Variants in KIF5C observed in about 807,000 individuals in gnomAD.
KIF5C encodes kinesin family member 5C.
A neutral mutation model predicts 125.2 loss-of-function variants in KIF5C; 18 were observed. The ratio of observed to expected loss-of-function variants is 0.14; its 90% confidence interval spans 0.10 to 0.21. KIF5C has a LOEUF of 0.21. Ranked by LOEUF, KIF5C falls within the 10% of genes least tolerant of loss-of-function variation. The pLI, the probability that KIF5C is intolerant of heterozygous loss-of-function variation, is 1.00. For synonymous variants in KIF5C, 405 were observed against 434.0 expected (o/e 0.93, Z 0.83); for missense variants, 780 against 1,183.8 (o/e 0.66, Z 5.01).
intron 16 of KIF5C, 60 bp from the exon 17 acceptor site, chr2:148,994,360 TC>T (rs1483737274): frequency 5.2e-6 from 8 of 1,529,804 alleles, no homozygotes; most frequent in Non-Finnish European, 7.1e-6. Context: ...ACCAGACAAT[TC>T]CAGGCCAGCC....
intron 11 of KIF5C, among the ~76,000 whole-genome samples, chr2:148,972,812 T>C (rs1381115536): frequency 6.6e-6 from 1 of 152,240 alleles, no homozygotes; most frequent in Non-Finnish European, 1.5e-5. Context: ...GGCTACCCTG[T>C]CTTCTGACCT....
chr2:148,888,296 C>A (rs1309137612), intron 1 of KIF5C: 4 of 152,250 alleles, frequency 2.6e-5, no homozygotes, highest in Non-Finnish European at 5.9e-5. Context: ...CCTTCTGTCA[C>A]CATTCTGTCG....
rs761031427 is a variant in KIF5C at position 148,941,939 on chromosome 2, C to G, written c.450C>G (p.Ser150=). ...CTGTCATTCTCATCTTTTTAGTATC[C>G]AAGACCAACTTGGCTGTTCATGAAG... ...LDKIRDLLDV[S]KTNLAVHEDK... is the part of the protein sequence containing the mutation. Residue 150 remains serine, a synonymous_variant, in exon 6 of 26, where the codon TCC becomes TCG. Coordinates refer to ENST00000435030, the MANE Select transcript of KIF5C (RefSeq NM_004522.3). 1 of 1,611,616 alleles carries G rather than the reference C, an allele frequency of 6.2e-7. No individual in the cohort carries two copies. Among genetic ancestry groups the G allele is most frequent in the South Asian group, 1.1e-5 (1 of 89,930 alleles).
chr2:148,969,045 A>G (rs1680823786), intron 11 of KIF5C, among the ~76,000 whole-genome samples: 1 of 152,220 alleles, frequency 6.6e-6, no homozygotes. Flanking sequence ...AGGCTTTAGG[A>G]ACTCAACTTA....
Position 148,875,575 on chromosome 2 carries a change from G to GCCCCCCCCCC in KIF5C, c.-37_-36insCCCCCCCCCC. ...TCCTCCCTCGTCGTTCCCGGCCCCG[G>GCCCCCCCCCC]CCCCCCACCCATCCCCGTGCCCCCT... On this transcript the variant is annotated 5_prime_UTR_variant, in exon 1 of 26. Coordinates refer to ENST00000435030, the MANE Select transcript of KIF5C (RefSeq NM_004522.3). 1 of 699,606 alleles carries GCCCCCCCCCC rather than the reference G, an allele frequency of 1.4e-6. No homozygotes were observed. The allele number at this position is 699,606 out of a possible 1,614,324, so 43.3% of individuals were successfully genotyped here. A position where few individuals can be genotyped will look rare whatever the true frequency, so the allele number is the denominator to read the frequency against.
intron 12 of KIF5C, among the ~76,000 whole-genome samples, chr2:148,973,906 T>C (rs1680989062): frequency 6.6e-6 from 1 of 152,212 alleles, no homozygotes; most frequent in African/African-American, 2.4e-5. Flanking sequence ...GCAAGGGTTG[T>C]GACTCCCAGA....
intron 15 of KIF5C, among the ~76,000 whole-genome samples, chr2:148,985,048 C>T (rs901299490): frequency 2.0e-5 from 3 of 152,124 alleles, no homozygotes; most frequent in African/African-American, 4.8e-5. Flanking sequence ...AGTGATTCGC[C>T]TGCCTCTGCC....
chr2:148,958,467 T>C (rs1682850425), intron 10 of KIF5C, among the ~76,000 whole-genome samples: 1 of 152,202 alleles, frequency 6.6e-6, no homozygotes, highest in African/African-American at 2.4e-5. Context: ...AGGTGTTTTA[T>C]TGGCACTTCT....
intron 22 of KIF5C, among the ~76,000 whole-genome samples, chr2:149,005,881 G>A (rs1027836920): frequency 2.0e-5 from 3 of 152,326 alleles, no homozygotes; most frequent in East Asian, 1.9e-4. Flanking sequence ...AGTTTATAAA[G>A]CACGTCAACA....
intron 4 of KIF5C, among the ~76,000 whole-genome samples, chr2:148,938,606 C>A (rs1323718028): frequency 6.6e-6 from 1 of 152,122 alleles, no homozygotes; most frequent in African/African-American, 2.4e-5. Flanking sequence ...ACATAGGTGC[C>A]CCCCTTGCCC....
intron 8 of KIF5C, among the ~76,000 whole-genome samples, chr2:148,948,652 A>G (rs1292882704): frequency 6.6e-6 from 1 of 151,514 alleles, no homozygotes; most frequent in African/African-American, 2.4e-5. Context: ...TCTTGTAGAA[A>G]AGAACTCTGG....
At chr2:148,875,895 C>T (rs1681169308) in intron 1 of KIF5C, among the ~76,000 whole-genome samples, 152 bp downstream of exon 1, 1 of 151,180 alleles carries the variant, frequency 6.6e-6, no homozygotes, top group African/African-American at 2.4e-5. Context: ...CCCCTCGCCC[C>T]GCGCACTATG....
At position 149,005,384 on chromosome 2, in the gene KIF5C, C is replaced by A; in HGVS notation, c.2374-9C>A. 6.2e-7 allele frequency: 1 copy of A among 1,613,034 alleles called. No homozygotes were observed. Among genetic ancestry groups the A allele is most frequent in the Non-Finnish European group, 8.5e-7 (1 of 1,179,526 alleles). On this transcript the variant is annotated splice_polypyrimidine_tract_variant and intron_variant, in intron 21 of 25. Transcript: ENST00000435030. ...CTGCACTTAAGTGGCCTTTAAAAATCTCTTCCAGTCTAGAGAATTGCAGAC... is the reference window on the plus strand; with the variant it reads ...CTGCACTTAAGTGGCCTTTAAAAATATCTTCCAGTCTAGAGAATTGCAGAC...
chr2:148,943,724 T>G (rs73970614), intron 7 of KIF5C, among the ~76,000 whole-genome samples: 2 of 152,156 alleles, frequency 1.3e-5, no homozygotes, highest in African/African-American at 4.8e-5. Context: ...TTCACTGTTA[T>G]GTTGTAAAAG....
At chr2:148,917,034 A>T (rs1021942870) in intron 1 of KIF5C, among the ~76,000 whole-genome samples, 1 of 152,232 alleles carries the variant, frequency 6.6e-6, no homozygotes. Flanking sequence ...TTTCCATAGC[A>T]AGCCTTGCAT....
intron 1 of KIF5C, among the ~76,000 whole-genome samples, chr2:148,916,609 C>A (rs1370793813): frequency 2.0e-5 from 3 of 151,940 alleles, no homozygotes; most frequent in Non-Finnish European, 2.9e-5. Flanking sequence ...TAGTGTAATG[C>A]AAATGCCTGA....
intron 2 of KIF5C, among the ~76,000 whole-genome samples, chr2:148,928,103 A>AT (rs1682072746): frequency 6.6e-6 from 1 of 152,236 alleles, no homozygotes; most frequent in East Asian, 1.9e-4. Context: ...TTTAAAAAAC[A>AT]TAACAAATCA....
chr2:148,967,306 G>T (rs753773825), intron 11 of KIF5C, among the ~76,000 whole-genome samples: 1 of 152,192 alleles, frequency 6.6e-6, no homozygotes, highest in African/African-American at 2.4e-5. Flanking sequence ...CGAATGATTC[G>T]CAGACTCCAA....
intron 25 of KIF5C, among the ~76,000 whole-genome samples, chr2:149,020,995 C>T (rs1395093756): frequency 6.6e-6 from 1 of 152,208 alleles, no homozygotes; most frequent in Non-Finnish European, 1.5e-5. Flanking sequence ...GTAGCTTTGC[C>T]ACTGTGGGTG....
Sources: gnomAD v4.1 joint callset for allele counts (sites outside exome capture counted in the v4.1 genomes callset) on GRCh38, gnomAD v4.1.1 for gene constraint, MANE v1.5 for transcripts, NCBI Gene and HGNC (gene_info 2026-07-23, HGNC 2026-07-21) for gene names.